SCAI: variants seen among roughly 807,000 people sequenced by gnomAD.
The protein encoded by SCAI is protein SCAI.
In SCAI, 24 loss-of-function variants were observed where a neutral mutation model predicts 92.2. The observed-to-expected ratio is 0.26, with a 90% CI of 0.19 to 0.37. The LOEUF is 0.37. Ranked by LOEUF, SCAI falls within the 10% of genes least tolerant of loss-of-function variation. SCAI has a pLI of 1.00. For synonymous variants in SCAI, 261 were observed against 258.6 expected (o/e 1.01, Z -0.09); for missense variants, 450 against 736.2 (o/e 0.61, Z 4.50).
At chr9:125,009,206 T>C (rs1243328081) in intron 9 of SCAI, among the ~76,000 whole-genome samples, 5 of 152,140 alleles carry the variant, frequency 3.3e-5, no homozygotes, top group South Asian at 2.1e-4. Flanking sequence ...AAATACAAAA[T>C]ATCAAAATAT....
chr9:125,064,825 G>A (rs778027526), intron 2 of SCAI, among the ~76,000 whole-genome samples: 9 of 152,220 alleles, frequency 5.9e-5, no homozygotes, highest in African/African-American at 9.6e-5. Flanking sequence ...TAGCCTGGGC[G>A]ACAGAGTGGA....
chr9:125,112,850 A>G (rs1362638463), intron 2 of SCAI, among the ~76,000 whole-genome samples: 1 of 152,258 alleles, frequency 6.6e-6, no homozygotes, highest in Admixed American at 6.5e-5. Flanking sequence ...AAACAAAGCC[A>G]TCATGACAAT....
At chr9:125,097,209 G>T (rs1206444202) in intron 2 of SCAI, among the ~76,000 whole-genome samples, 1 of 152,206 alleles carries the variant, frequency 6.6e-6, no homozygotes, top group Non-Finnish European at 1.5e-5. Context: ...GAGGTGGGCA[G>T]ATCACTTGAG....
At chr9:125,129,592 T>C (rs567264316) in intron 2 of SCAI, among the ~76,000 whole-genome samples, 2 of 147,210 alleles carry the variant, frequency 1.4e-5, no homozygotes, top group African/African-American at 5.0e-5. Flanking sequence ...GCCTACCAAG[T>C]AGATGGGATT....
At chr9:125,050,909 G>A (rs186587549) in intron 3 of SCAI, among the ~76,000 whole-genome samples, 1 of 151,758 alleles carries the variant, frequency 6.6e-6, no homozygotes, top group Non-Finnish European at 1.5e-5. Flanking sequence ...AAAACAATAC[G>A]GCTGCTATAC....
rs945834591 is a variant in SCAI at position 124,945,049 on chromosome 9, C to G, written c.*7758G>C. The G allele has an allele frequency of 6.6e-6, 1 of 152,024 alleles. No homozygotes were observed. The highest frequency in any genetic ancestry group is 1.5e-5 in the Non-Finnish European group (1 of 68,000). The allele number at this position is 152,024 out of a possible 1,614,324, so 9.4% of individuals were successfully genotyped here. On this transcript the variant is annotated 3_prime_UTR_variant, in exon 18 of 18. Coordinates refer to ENST00000336505, the MANE Select transcript of SCAI (RefSeq NM_001144877.3). ...TACCTATGTCTTAAACAATATTACA[C>G]CTAAAAAGATGATTGTCGTAGTAGA... is the stretch of plus-strand genomic sequence containing the variant.
In SCAI at chr9:124,945,708, C is replaced by CA. The variant is rs1358909698; in HGVS notation, c.*7098dup. The CA allele has an allele frequency of 1.3e-5, 2 of 152,234 alleles. No homozygotes were observed. Among genetic ancestry groups the CA allele is most frequent in the African/African-American group, 4.8e-5 (2 of 41,450 alleles). 9.4% of individuals were successfully genotyped at this position (152,234 alleles called of 1,614,324 possible). A position where few individuals can be genotyped will look rare whatever the true frequency, so the allele number is the denominator to read the frequency against. ...GGCATATCACCCTACATCATCCTGACACCCTTCCCGTCAATAGGTGATTGA... is the reference window on the plus strand; with the variant it reads ...GGCATATCACCCTACATCATCCTGACAACCCTTCCCGTCAATAGGTGATTGA... On this transcript the variant is annotated 3_prime_UTR_variant, in exon 18 of 18. Transcript: ENST00000336505.
chr9:125,017,665 T>C (rs1325852141), intron 9 of SCAI, among the ~76,000 whole-genome samples: 3 of 152,182 alleles, frequency 2.0e-5, no homozygotes, highest in East Asian at 1.9e-4. Context: ...ATCATGGTGC[T>C]ACTCTGTCAT....
intron 2 of SCAI, among the ~76,000 whole-genome samples, chr9:125,098,015 G>GTA (rs939414057): frequency 8.7e-5 from 13 of 150,166 alleles, no homozygotes; most frequent in East Asian, 7.8e-4. Context: ...GTGTGTGTGT[G>GTA]TATATATATA....
intron 4 of SCAI, among the ~76,000 whole-genome samples, chr9:125,029,146 G>T (rs1347004737): frequency 6.6e-6 from 1 of 151,612 alleles, no homozygotes; most frequent in Admixed American, 6.6e-5. Context: ...TTGAGACAGG[G>T]TCTCTCTCTG....
chr9:125,135,040 C>T (rs1011115812), intron 2 of SCAI, among the ~76,000 whole-genome samples: 1 of 152,166 alleles, frequency 6.6e-6, no homozygotes, highest in Non-Finnish European at 1.5e-5. Flanking sequence ...AATAGTATCA[C>T]ATTATTTTGG....
At chr9:125,008,474 C>T (rs892126231) in intron 9 of SCAI, among the ~76,000 whole-genome samples, 3 of 152,056 alleles carry the variant, frequency 2.0e-5, no homozygotes, top group African/African-American at 7.2e-5. Context: ...TTTCATCATG[C>T]TGCCCAGGCT....
chr9:124,990,807 A>G (rs937970824), intron 14 of SCAI, among the ~76,000 whole-genome samples: 1 of 152,106 alleles, frequency 6.6e-6, no homozygotes, highest in Non-Finnish European at 1.5e-5. Context: ...TGCAACAAAA[A>G]GTGGGAGACT....
intron 2 of SCAI, among the ~76,000 whole-genome samples, chr9:125,095,466 T>TA (rs916090457): frequency 7.9e-5 from 12 of 152,322 alleles, no homozygotes; most frequent in African/African-American, 2.2e-4. Context: ...AAACAGAAAA[T>TA]GAACATCCCT....
chr9:125,028,954 T>C (rs1429087217), intron 4 of SCAI, among the ~76,000 whole-genome samples: 2 of 151,902 alleles, frequency 1.3e-5, no homozygotes, highest in Non-Finnish European at 2.9e-5. Context: ...TGCACCACCA[T>C]GCCCGACTAA....
chr9:125,134,690 G>T (rs1349026923), intron 2 of SCAI, among the ~76,000 whole-genome samples: 2 of 152,138 alleles, frequency 1.3e-5, no homozygotes, highest in Non-Finnish European at 2.9e-5. Context: ...TTTTGTGTGT[G>T]TGTGAGATGG....
chr9:125,036,503 C>T (rs1564387938), intron 3 of SCAI, among the ~76,000 whole-genome samples: 1 of 152,120 alleles, frequency 6.6e-6, no homozygotes, highest in Non-Finnish European at 1.5e-5. Context: ...GTGATTGCCT[C>T]TGAAAAATGA....
At chr9:125,062,924 G>A (rs1298719291) in intron 2 of SCAI, among the ~76,000 whole-genome samples, 1 of 150,816 alleles carries the variant, frequency 6.6e-6, no homozygotes, top group Non-Finnish European at 1.5e-5. Context: ...GGAGGCTGAG[G>A]CAAGAGAATC....
intron 1 of SCAI, 105 bp downstream of exon 1, chr9:125,143,280 C>A (rs1835713424): frequency 1.5e-6 from 1 of 689,110 alleles, no homozygotes. Context: ...CCCGCCCCTC[C>A]GGTCTCTGCG....
Sources: gnomAD v4.1 joint callset for allele counts (sites outside exome capture counted in the v4.1 genomes callset) on GRCh38, gnomAD v4.1.1 for gene constraint, MANE v1.5 for transcripts, NCBI Gene and HGNC (gene_info 2026-07-23, HGNC 2026-07-21) for gene names.